Variants in OSTN observed in about 807,000 individuals in gnomAD.
OSTN encodes osteocrin.
A neutral mutation model predicts 12.0 loss-of-function variants in OSTN; 9 were observed. The observed-to-expected ratio is 0.75, with a 90% CI of 0.45 to 1.30. The LOEUF (loss-of-function observed/expected upper bound fraction) is 1.30, where lower values mean the gene tolerates loss of function less well. OSTN is among the 50% of genes most tolerant of loss of function. The probability of loss-of-function intolerance (pLI) is 0.00; values close to 1 mark genes in which losing one functional copy is unlikely to be tolerated. For missense variants in OSTN, 148 were observed against 152.3 expected (o/e 0.97, Z 0.15); for synonymous variants, 59 against 56.9 (o/e 1.04, Z -0.16).
At chr3:191,242,180 A>G (rs6764881) in intron 3 of OSTN, among the ~76,000 whole-genome samples, 14,040 of 152,224 alleles carry the variant, frequency 0.092, 1,710 homozygotes, top group African/African-American at 0.28. Flanking sequence ...TGAAATCACT[A>G]GTAAATTAAT....
chr3:191,241,312 A>G (rs528835850), intron 3 of OSTN, among the ~76,000 whole-genome samples: 1 of 151,716 alleles, frequency 6.6e-6, no homozygotes, highest in African/African-American at 2.4e-5. Context: ...CCTACCGAGT[A>G]GATGGGAATA....
chr3:191,212,064 C>A (rs1411309128), intron 1 of OSTN, among the ~76,000 whole-genome samples: 3 of 152,056 alleles, frequency 2.0e-5, no homozygotes, highest in Non-Finnish European at 4.4e-5. Context: ...TAAAGAAATT[C>A]TCCTAATGGA....
chr3:191,246,067 C>CAAAAAAAAAAAAAAAA (rs149962240), intron 3 of OSTN, among the ~76,000 whole-genome samples: 1 of 60,322 alleles, frequency 1.7e-5, no homozygotes, highest in Non-Finnish European at 3.0e-5. Context: ...AACTCTGTCT[C>CAAAAAAAAAAAAAAAA]AAAAAAAAAA....
At chr3:191,250,482 G>C (rs575967044) in intron 4 of OSTN, among the ~76,000 whole-genome samples, 1 of 152,160 alleles carries the variant, frequency 6.6e-6, no homozygotes, top group South Asian at 2.1e-4. Context: ...AAATCCTTGC[G>C]TTATGAAGAA....
At chr3:191,260,497 T>G (rs1271195699) in intron 4 of OSTN, among the ~76,000 whole-genome samples, 1 of 151,732 alleles carries the variant, frequency 6.6e-6, no homozygotes, top group East Asian at 1.9e-4. Context: ...GTGAGGGGGG[T>G]GCCAGTAATC....
At chr3:191,199,579 CT>C (rs559512794) in intron 1 of OSTN, among the ~76,000 whole-genome samples, 3 of 151,918 alleles carry the variant, frequency 2.0e-5, no homozygotes, top group Non-Finnish European at 4.4e-5. Flanking sequence ...AATAATAATT[CT>C]ATACATATAT....
chr3:191,212,436 C>T (rs1714481632), intron 1 of OSTN, 97 bp from the exon 2 acceptor site: 1 of 559,362 alleles, frequency 1.8e-6, no homozygotes, highest in African/African-American at 1.9e-5. Flanking sequence ...AATAATTTGG[C>T]TTACCATTTG....
chr3:191,263,096 T>C lies in OSTN; in HGVS notation c.*243T>C. On this transcript the variant is annotated 3_prime_UTR_variant, in exon 5 of 5. Coordinates refer to ENST00000682035, the MANE Select transcript of OSTN (RefSeq NM_198184.2). ...TATATTTTAATTATTCAAGAATGGT[T>C]AACTTCCCCTTAAACCTTACTTTTA... is the stretch of plus-strand genomic sequence containing the variant. The C allele has an allele frequency of 2.1e-6, 1 of 471,384 alleles. No individual in the cohort carries two copies. The highest frequency in any genetic ancestry group is 3.8e-6 in the Non-Finnish European group (1 of 265,900). The allele number at this position is 471,384 out of a possible 1,614,324, so 29.2% of individuals were successfully genotyped here.
chr3:191,242,760 TAGG>T (rs1365284445), intron 3 of OSTN, among the ~76,000 whole-genome samples: 1 of 152,144 alleles, frequency 6.6e-6, no homozygotes, highest in African/African-American at 2.4e-5. Context: ...TTTTATGACA[TAGG>T]AGAATATCTT....
intron 3 of OSTN, among the ~76,000 whole-genome samples, chr3:191,242,354 T>G (rs1480980432): frequency 6.6e-6 from 1 of 152,218 alleles, no homozygotes; most frequent in Non-Finnish European, 1.5e-5. Flanking sequence ...TGATCTTGGA[T>G]AGTAAGACTC....
In OSTN at chr3:191,228,445, A is replaced by C. The variant is rs114491818; in HGVS notation, c.317+9484A>C. Reference sequence around the variant, plus strand: ...AGTTACATTTCCAAATTCTACGCCAAATACAGTCTAACTCACCATCAAAAA... The same window carrying C: ...AGTTACATTTCCAAATTCTACGCCACATACAGTCTAACTCACCATCAAAAA... On this transcript the variant is annotated intron_variant, in intron 3 of 4. Coordinates refer to ENST00000682035, the MANE Select transcript of OSTN (RefSeq NM_198184.2). Among the ~76,000 whole-genome samples, 254 of 152,336 alleles carry C rather than the reference A, an allele frequency of 1.7e-3. 1 individual carries two copies. Among genetic ancestry groups the C allele is most frequent in the African/African-American group, 5.9e-3 (244 of 41,572 alleles).
chr3:191,207,919 A>G (rs1231949807), intron 1 of OSTN, among the ~76,000 whole-genome samples: 1 of 152,232 alleles, frequency 6.6e-6, no homozygotes, highest in Non-Finnish European at 1.5e-5. Context: ...TTACATGTGG[A>G]AAGTCCTTAA....
chr3:191,202,319 A>G (rs1422021970), intron 1 of OSTN, among the ~76,000 whole-genome samples: 1 of 152,250 alleles, frequency 6.6e-6, no homozygotes, highest in Non-Finnish European at 1.5e-5. Flanking sequence ...GAAGCATTCC[A>G]GAAAGGATCT....
At position 191,265,478 on chromosome 3, in the gene OSTN, A is replaced by C. The variant is rs1715902382; in HGVS notation, c.*2625A>C. The C allele has an allele frequency of 6.6e-6, 1 of 152,226 alleles. No homozygotes were observed. Among genetic ancestry groups the C allele is most frequent in the South Asian group, 2.1e-4 (1 of 4,834 alleles). 9.4% of individuals were successfully genotyped at this position (152,226 alleles called of 1,614,324 possible). On this transcript the variant is annotated 3_prime_UTR_variant, in exon 5 of 5. Transcript: ENST00000682035. ...TTAAGTTTCTTAAACCAAATTATGAAAAAATAACTTAATGGAATCTTCTAA... is the reference window on the plus strand; with the variant it reads ...TTAAGTTTCTTAAACCAAATTATGACAAAATAACTTAATGGAATCTTCTAA...
rs1714367726 is a variant in OSTN at position 191,209,597 on chromosome 3, GT to G, written c.1-2935del. On this transcript the variant is annotated intron_variant, in intron 1 of 4. Transcript: ENST00000682035. ...TGAACAACTATTTTAAACATTGCAT[GT>G]CAAAATTATATTTGATAAATAAATG... 2.0e-5 allele frequency among the ~76,000 whole-genome samples: 3 copies of G among 152,294 alleles called. No homozygotes were observed. The South Asian group carries it at 6.2e-4, about 32-fold the overall frequency.
intron 1 of OSTN, among the ~76,000 whole-genome samples, chr3:191,208,951 A>C (rs1176332474): frequency 6.6e-6 from 1 of 152,194 alleles, no homozygotes; most frequent in Non-Finnish European, 1.5e-5. Context: ...TGAGGTCAGG[A>C]GTTCGAGAGC....
rs1714387961 is a variant in OSTN at position 191,210,329 on chromosome 3, A to AGCCTCT, written c.1-2196_1-2191dup. The stretch of plus-strand genomic sequence containing the variant: ...GTGCGTTAGCAGTGGCACGCACCCG[A>AGCCTCT]GCCTCTGCCTCTGTGCAAACACATT... On this transcript the variant is annotated intron_variant, in intron 1 of 4. Transcript: ENST00000682035. 2.6e-5 allele frequency among the ~76,000 whole-genome samples: 4 copies of AGCCTCT among 152,338 alleles called. No individual in the cohort carries two copies. The South Asian group carries it at 8.3e-4, about 32-fold the overall frequency.
At chr3:191,245,561 T>C (rs932305001) in intron 3 of OSTN, among the ~76,000 whole-genome samples, 5 of 151,900 alleles carry the variant, frequency 3.3e-5, no homozygotes, top group African/African-American at 1.2e-4. Flanking sequence ...GAGGAGAGAA[T>C]GGGGAAAAAG....
intron 4 of OSTN, among the ~76,000 whole-genome samples, chr3:191,256,503 T>C (rs1715673681): frequency 6.6e-6 from 1 of 152,094 alleles, no homozygotes; most frequent in South Asian, 2.1e-4. Context: ...GACATTCATT[T>C]AGCCAAAATA....
Sources: allele counts gnomAD v4.1 joint callset (sites outside exome capture counted in the v4.1 genomes callset), GRCh38; gene constraint gnomAD v4.1.1; transcripts MANE v1.5; gene names NCBI Gene and HGNC (gene_info 2026-07-23, HGNC 2026-07-21).